Variants in PCDHGB6 observed in about 807,000 individuals in gnomAD.
PCDHGB6 encodes protocadherin gamma subfamily B, 6.
In PCDHGB6, 51 loss-of-function variants were observed where a neutral mutation model predicts 59.1. The observed-to-expected ratio is 0.86, with a 90% CI of 0.69 to 1.09. The LOEUF (loss-of-function observed/expected upper bound fraction) is 1.09, where lower values mean the gene tolerates loss of function less well. Among genes scored for constraint, PCDHGB6 ranks in the 50% least tolerant of loss-of-function variants. The pLI is 0.00. For missense variants in PCDHGB6, 1,148 were observed against 1,205.1 expected, an observed-to-expected ratio of 0.95 and a Z score of 0.70; for synonymous variants, 466 against 495.1, an observed-to-expected ratio of 0.94 and a Z score of 0.78.
rs1387152450 is a variant in PCDHGB6 at position 141,487,754 on chromosome 5, G to A, written c.2419-7053G>A. The A allele has an allele frequency of 1.3e-6, 2 of 1,552,036 alleles. No individual in the cohort carries two copies. Among genetic ancestry groups the A allele is most frequent in the Admixed American group, 3.9e-5 (2 of 50,970 alleles). ...CATTTTTGTAAGAGGTAACTATGTG[G>A]TAGACGCTGTGCTTTGTAACTGTTT... On this transcript the variant is annotated intron_variant, in intron 1 of 3. Transcript: ENST00000520790. This position sits in a 1 kb window ranked among gnomAD's most constrained non-coding sequence, Gnocchi z 5.0.
chr5:141,489,775 T>C lies in PCDHGB6; in HGVS notation c.2419-5032T>C, dbSNP rs748163008. The C allele has an allele frequency of 6.2e-7, 1 of 1,614,110 alleles. No homozygotes were observed. The highest frequency in any genetic ancestry group is 8.5e-7 in the Non-Finnish European group (1 of 1,179,986). Reference sequence around the variant, plus strand: ...CACTCTAAGCCCCAACAGCCACTTCTCTCTGAATGTGAAGACCCTAAAAGA... The same window carrying C: ...CACTCTAAGCCCCAACAGCCACTTCCCTCTGAATGTGAAGACCCTAAAAGA... On this transcript the variant is annotated intron_variant, in intron 1 of 3. Coordinates refer to ENST00000520790, the MANE Select transcript of PCDHGB6 (RefSeq NM_018926.3). This position sits in a 1 kb window ranked among gnomAD's most constrained non-coding sequence, Gnocchi z 4.5.
intron 3 of PCDHGB6, among the ~76,000 whole-genome samples, chr5:141,510,048 G>GTGAT (rs1392197406): frequency 1.3e-5 from 2 of 152,192 alleles, no homozygotes; most frequent in Non-Finnish European, 2.9e-5. Context: ...GAGGTTAAAA[G>GTGAT]TGATTGTGCA....
chr5:141,421,467 G>T (rs1436543181), intron 1 of PCDHGB6: 1 of 1,614,132 alleles, frequency 6.2e-7, no homozygotes, highest in South Asian at 1.1e-5. Flanking sequence ...CTGTGAATCC[G>T]CGAAGCGGCA....
rs200843744 is a variant in PCDHGB6, at chr5:141,491,417, G to C, written c.2419-3390G>C. 18 of 1,613,988 alleles carry C rather than the reference G, an allele frequency of 1.1e-5. No individual in the cohort carries two copies. Among genetic ancestry groups the C allele is most frequent in the Admixed American group, 5.0e-5 (3 of 60,006 alleles). ...CAGGGAAACGCAGACGGGGACGGGGGTGGAGGGCAGTGCTGCAGGCGCCAG... is the reference window on the plus strand; with the variant it reads ...CAGGGAAACGCAGACGGGGACGGGGCTGGAGGGCAGTGCTGCAGGCGCCAG... On this transcript the variant is annotated intron_variant, in intron 1 of 3. Transcript: ENST00000520790. This position sits in a 1 kb window ranked among gnomAD's most constrained non-coding sequence, Gnocchi z 6.9.
Position 141,491,507 on chromosome 5 carries a change from C to G in PCDHGB6, c.2419-3300C>G, listed in dbSNP as rs755899622. The stretch of plus-strand genomic sequence containing the variant: ...AACCTGCAGGTGAGCTCGGACGGCA[C>G]GCTCAAGTACATGGAGGTGACGCTG... On this transcript the variant is annotated intron_variant, in intron 1 of 3. Coordinates refer to ENST00000520790, the MANE Select transcript of PCDHGB6 (RefSeq NM_018926.3). This position sits in a 1 kb window ranked among gnomAD's most constrained non-coding sequence, Gnocchi z 6.9. 1.5e-5 allele frequency: 24 copies of G among 1,614,038 alleles called. No individual in the cohort carries two copies. The highest frequency in any genetic ancestry group is 2.0e-5 in the Non-Finnish European group (24 of 1,180,016).
At chr5:141,454,796 ATTTTTTT>A (rs61612330) in intron 1 of PCDHGB6, among the ~76,000 whole-genome samples, 2,943 of 77,244 alleles carry the variant, frequency 0.038, 52 homozygotes, top group African/African-American at 0.09. Context: ...CATGGTTCTA[ATTTTTTT>A]TTTTTTTTTT....
intron 1 of PCDHGB6, among the ~76,000 whole-genome samples, chr5:141,474,312 T>G (rs1358237994): frequency 6.6e-6 from 1 of 152,228 alleles, no homozygotes; most frequent in African/African-American, 2.4e-5. Flanking sequence ...AACTTTAATG[T>G]GTTTTCAAAT....
rs1175280816 is a variant in PCDHGB6 at position 141,511,121 on chromosome 5, C to T, written c.2741C>T (p.Pro914Leu). 2 of 1,614,102 alleles carry T rather than the reference C, an allele frequency of 1.2e-6. No homozygotes were observed. Among genetic ancestry groups the T allele is most frequent in the African/African-American group, 1.3e-5 (1 of 74,938 alleles). Residue 914 changes from proline (P) to leucine (L), a missense_variant, in exon 4 of 4, where the codon CCA becomes CTA. This residue lies in a region of PCDHGB6 where 283 missense variants were observed against 318.6 expected (regional missense o/e 0.89). Transcript: ENST00000520790. ...GCTGGCAAGCGGGATGGCAAGGCCCCAGCAGGTGGCAATGGCAACAAGAAG... is the reference window on the plus strand; with the variant it reads ...GCTGGCAAGCGGGATGGCAAGGCCCTAGCAGGTGGCAATGGCAACAAGAAG... ...NAAGKRDGKA[P>L]AGGNGNKKKS...
chr5:141,423,405 G>T (rs1444037259), intron 1 of PCDHGB6: 1 of 1,614,154 alleles, frequency 6.2e-7, no homozygotes, highest in African/African-American at 1.3e-5. Context: ...CACGCCTGCT[G>T]CAGGCTTCTG....
At chr5:141,413,295 T>C in intron 1 of PCDHGB6, 1 of 1,613,940 alleles carries the variant, frequency 6.2e-7, no homozygotes, top group Middle Eastern at 1.7e-4. Context: ...ACTCAATTCC[T>C]GAGGAATTAG....
intron 2 of PCDHGB6, among the ~76,000 whole-genome samples, chr5:141,501,821 G>A (rs910825533): frequency 1.3e-5 from 2 of 152,028 alleles, no homozygotes; most frequent in Non-Finnish European, 2.9e-5. Context: ...ATAATTGGCA[G>A]CCCACCCACC....
Position 141,491,869 on chromosome 5 carries a change from G to A in PCDHGB6, c.2419-2938G>A. On this transcript the variant is annotated intron_variant, in intron 1 of 3. Transcript: ENST00000520790. The surrounding 1 kb of genome is among the most constrained non-coding windows in gnomAD (Gnocchi z 6.9). ...GGACCGTTTGCGCGAAACCAGAGTG[G>A]CCGATTAAGGGATGGGGCTCCGAGC... The A allele has an allele frequency of 6.9e-7, 1 of 1,453,094 alleles. No individual in the cohort carries two copies. Among genetic ancestry groups the A allele is most frequent in the Non-Finnish European group, 9.1e-7 (1 of 1,099,380 alleles). 90.0% of individuals were successfully genotyped at this position (1,453,094 alleles called of 1,614,324 possible).
chr5:141,459,992 C>T (rs1327580257), intron 1 of PCDHGB6, among the ~76,000 whole-genome samples: 1 of 152,126 alleles, frequency 6.6e-6, no homozygotes, highest in Admixed American at 6.5e-5. Flanking sequence ...ACAGGAGAAT[C>T]GCTTGAACCC....
rs766392835 is a variant in PCDHGB6 at position 141,410,202 on chromosome 5, A to G, written c.2000A>G (p.Asn667Ser). The G allele has an allele frequency of 1.2e-6, 2 of 1,614,018 alleles. No individual in the cohort carries two copies. Among genetic ancestry groups the G allele is most frequent in the Non-Finnish European group, 1.7e-6 (2 of 1,179,876 alleles). Residue 667 changes from asparagine (N) to serine (S), a missense_variant, in exon 1 of 4, where the codon AAC (asparagine) becomes AGC (serine). Transcript: ENST00000520790. ...ACGCTTCATCTGGTCTTCGCAGACA[A>G]CTTGCAAGAGATACTGCCAGACCTC... ...TATLHLVFAD[N>S]LQEILPDLSD...
At chr5:141,421,213 G>C (rs916345810) in intron 1 of PCDHGB6, 3 of 1,548,472 alleles carry the variant, frequency 1.9e-6, no homozygotes, top group Admixed American at 4.1e-5. Context: ...GCGGAATATC[G>C]GCTTAGAGCC....
chr5:141,415,740 G>GTTTTTTTTTT lies in PCDHGB6; in HGVS notation c.2418+5143_2418+5152dup, dbSNP rs57426385. 90 of 625,044 alleles carry GTTTTTTTTTT rather than the reference G, an allele frequency of 1.4e-4. 1 individual carries two copies. The highest frequency in any genetic ancestry group is 4.1e-4 in the East Asian group (6 of 14,742). The allele number at this position is 625,044 out of a possible 1,614,324, so 38.7% of individuals were successfully genotyped here. On this transcript the variant is annotated intron_variant, in intron 1 of 3. Coordinates refer to ENST00000520790, the MANE Select transcript of PCDHGB6 (RefSeq NM_018926.3). ...TGAGTAGAATTTGATGTTTATTAAG[G>GTTTTTTTTTT]TTTTTTTTTTTTTTTTTTTTTTTTT...
rs1226558966 is a variant in PCDHGB6, at chr5:141,432,589, G to C, written c.2418+21969G>C. The C allele has an allele frequency of 6.2e-7, 1 of 1,613,916 alleles. No homozygotes were observed. The highest frequency in any genetic ancestry group is 8.5e-7 in the Non-Finnish European group (1 of 1,179,974). The stretch of plus-strand genomic sequence containing the variant: ...CCTGGCTGTCCTACCGTCTGCTCAA[G>C]GCCAGCGAGCCGGGACTCTTCTCGG... On this transcript the variant is annotated intron_variant, in intron 1 of 3. Coordinates refer to ENST00000520790, the MANE Select transcript of PCDHGB6 (RefSeq NM_018926.3). The surrounding 1 kb of genome is among the most constrained non-coding windows in gnomAD (Gnocchi z 6.0).
intron 1 of PCDHGB6, among the ~76,000 whole-genome samples, chr5:141,470,014 A>G (rs1394478856): frequency 6.6e-6 from 1 of 152,200 alleles, no homozygotes; most frequent in Non-Finnish European, 1.5e-5. Flanking sequence ...CTGTAATCCC[A>G]GCTACTCGGG....
chr5:141,455,006 G>A (rs1194194759), intron 1 of PCDHGB6, among the ~76,000 whole-genome samples: 2 of 150,910 alleles, frequency 1.3e-5, no homozygotes, highest in Non-Finnish European at 3.0e-5. Flanking sequence ...TAGAGACGGG[G>A]TTTCACCGTG....
Sources: gnomAD v4.1 joint callset for allele counts (sites outside exome capture counted in the v4.1 genomes callset) on GRCh38, gnomAD v4.1.1 for gene constraint, gnomAD v4.1.1 regional missense constraint, Gnocchi (gnomAD v3.1) non-coding constraint, MANE v1.5 for transcripts, NCBI Gene and HGNC (gene_info 2026-07-23, HGNC 2026-07-21) for gene names.